The following ADAMTSL1 variants were observed in gnomAD, a reference collection of about 807,000 sequenced individuals.
ADAMTSL1 encodes ADAMTS-like protein 1.
In ADAMTSL1, 126 loss-of-function variants were observed where a neutral mutation model predicts 201.8. That is an observed-to-expected ratio of 0.62 (90% CI 0.54 to 0.72). The LOEUF is 0.72. Among genes scored for constraint, ADAMTSL1 ranks in the 30% least tolerant of loss-of-function variants. ADAMTSL1 has a pLI of 0.00. For missense variants in ADAMTSL1, 2,679 were observed against 2,277.8 expected, an observed-to-expected ratio of 1.18 and a Z score of -3.59; for synonymous variants, 1,121 against 903.4, an observed-to-expected ratio of 1.24 and a Z score of -4.32.
chr9:18,218,501 A>G (rs1480475389), intron 2 of ADAMTSL1, among the ~76,000 whole-genome samples: 1 of 152,200 alleles, frequency 6.6e-6, no homozygotes, highest in Non-Finnish European at 1.5e-5. Context: ...CAAAAAGTAA[A>G]CTGATAAAGT....
chr9:18,374,072 A>G (rs1434142804), intron 2 of ADAMTSL1, among the ~76,000 whole-genome samples: 1 of 152,166 alleles, frequency 6.6e-6, no homozygotes, highest in Non-Finnish European at 1.5e-5. Context: ...GCCTTACCCA[A>G]GGAGATTCTG....
At chr9:18,210,473 T>A (rs12235364) in intron 2 of ADAMTSL1, among the ~76,000 whole-genome samples, 1 of 146,824 alleles carries the variant, frequency 6.8e-6, no homozygotes. Flanking sequence ...TAATTATATA[T>A]GATATATAAA....
chr9:18,607,721 TC>T (rs1475069076), intron 4 of ADAMTSL1, among the ~76,000 whole-genome samples: 1 of 150,632 alleles, frequency 6.6e-6, no homozygotes, highest in African/African-American at 2.4e-5. Context: ...ATGCTATCCC[TC>T]CCCCCTACCC....
At chr9:18,486,786 G>A (rs571670981) in intron 1 of ADAMTSL1, among the ~76,000 whole-genome samples, 8 of 152,146 alleles carry the variant, frequency 5.3e-5, no homozygotes, top group Non-Finnish European at 1.0e-4. Context: ...CCCATAACAG[G>A]GAGTCATTTT....
intron 1 of ADAMTSL1, among the ~76,000 whole-genome samples, chr9:18,116,790 T>C (rs1265487959): frequency 6.6e-6 from 1 of 152,238 alleles, no homozygotes; most frequent in Non-Finnish European, 1.5e-5. Context: ...TATGTATACA[T>C]GTGCCATGTT....
intron 2 of ADAMTSL1, among the ~76,000 whole-genome samples, chr9:18,270,687 G>A (rs1832322361): frequency 6.6e-6 from 1 of 152,158 alleles, no homozygotes; most frequent in African/African-American, 2.4e-5. Context: ...CAGAGGTGTG[G>A]TAGGGGAAGC....
chr9:18,848,871 G>A (rs1056949643), intron 23 of ADAMTSL1, among the ~76,000 whole-genome samples: 1 of 152,202 alleles, frequency 6.6e-6, no homozygotes, highest in South Asian at 2.1e-4. Context: ...AAACAGGACT[G>A]GATTTTGCAC....
Position 18,795,387 on chromosome 9 carries a change from G to T in ADAMTSL1, c.3678-10G>T. 1 of 1,613,502 alleles carries T rather than the reference G, an allele frequency of 6.2e-7. No individual in the cohort carries two copies. Among genetic ancestry groups the T allele is most frequent in the Non-Finnish European group, 8.5e-7 (1 of 1,179,700 alleles). The stretch of plus-strand genomic sequence containing the variant: ...TTGACCAGGTCTATATTTCTTTTCT[G>T]TCGCTCCAGGATTCTTCTACAGCCA... On this transcript the variant is annotated splice_polypyrimidine_tract_variant and intron_variant, in intron 19 of 28. Transcript: ENST00000380548.
rs1188749387 is a variant in ADAMTSL1, at chr9:18,777,214, C to A, written c.2985C>A (p.His995Gln). The A allele has an allele frequency of 6.2e-7, 1 of 1,612,842 alleles. No individual in the cohort carries two copies. Among genetic ancestry groups the A allele is most frequent in the Admixed American group, 1.7e-5 (1 of 60,032 alleles). ...KGGPKEALQTHKHQNGIFSNG... is the reference protein window; with the variant it reads ...KGGPKEALQTQKHQNGIFSNG... ...GCCCGAAGGAGGCCCTGCAGACCCA[C>A]AAACACCAGAACGGGATCTTCTCCA... The change falls in exon 19 of 29, where the codon CAC (histidine) becomes CAA (glutamine). Residue 995 changes from histidine (H) to glutamine (Q), a missense_variant. His to Gln is a conservative substitution (Grantham distance 24, BLOSUM62 0). Coordinates refer to ENST00000380548, the MANE Select transcript of ADAMTSL1 (RefSeq NM_001040272.6).
chr9:18,664,406 G>A (rs534253361), intron 9 of ADAMTSL1, among the ~76,000 whole-genome samples: 1 of 152,066 alleles, frequency 6.6e-6, no homozygotes, highest in African/African-American at 2.4e-5. Flanking sequence ...AGATTTAATG[G>A]TCTAATAGTA....
intron 3 of ADAMTSL1, among the ~76,000 whole-genome samples, chr9:18,537,832 C>T (rs1027888421): frequency 6.8e-6 from 1 of 147,586 alleles, no homozygotes; most frequent in Non-Finnish European, 1.5e-5. Flanking sequence ...CTTGTTTACA[C>T]CACTGCACTC....
chr9:18,656,470 A>C (rs927624276), intron 7 of ADAMTSL1, among the ~76,000 whole-genome samples: 16 of 151,982 alleles, frequency 1.1e-4, no homozygotes, highest in South Asian at 4.2e-4. Context: ...TCTACTAAAA[A>C]TACAAAAAAT....
At chr9:18,133,754 G>A (rs1826044569) in intron 1 of ADAMTSL1, among the ~76,000 whole-genome samples, 1 of 152,046 alleles carries the variant, frequency 6.6e-6, no homozygotes, top group Non-Finnish European at 1.5e-5. Flanking sequence ...TTGTGTGTAT[G>A]TATATATTTA....
At chr9:18,289,392 GGCCCA>G (rs1184585032) in intron 2 of ADAMTSL1, among the ~76,000 whole-genome samples, 1 of 152,114 alleles carries the variant, frequency 6.6e-6, no homozygotes, top group Non-Finnish European at 1.5e-5. Flanking sequence ...GGCATCTTGT[GGCCCA>G]GTCAAGTTCA....
At chr9:18,626,244 A>C (rs992953143) in intron 5 of ADAMTSL1, among the ~76,000 whole-genome samples, 5 of 152,166 alleles carry the variant, frequency 3.3e-5, no homozygotes, top group African/African-American at 1.2e-4. Context: ...TCTTCCTAGG[A>C]GCCATGGAAA....
chr9:18,671,961 T>C (rs1178344882), intron 9 of ADAMTSL1, among the ~76,000 whole-genome samples: 1 of 151,994 alleles, frequency 6.6e-6, no homozygotes, highest in African/African-American at 2.4e-5. Flanking sequence ...GGCGTGAACC[T>C]GAGAGGAGGA....
intron 23 of ADAMTSL1, among the ~76,000 whole-genome samples, chr9:18,865,688 T>G (rs955946015): frequency 6.6e-6 from 1 of 152,204 alleles, no homozygotes; most frequent in Admixed American, 6.5e-5. Context: ...AGAACCACTT[T>G]AGGCCTAGGA....
At chr9:18,550,409 A>T (rs1587534364) in intron 3 of ADAMTSL1, among the ~76,000 whole-genome samples, 1 of 151,968 alleles carries the variant, frequency 6.6e-6, no homozygotes, top group Non-Finnish European at 1.5e-5. Flanking sequence ...GATTCTAAGC[A>T]CAAGAAGGCA....
chr9:18,605,498 T>C (rs1465317043), intron 4 of ADAMTSL1, among the ~76,000 whole-genome samples: 2 of 152,166 alleles, frequency 1.3e-5, no homozygotes, highest in Non-Finnish European at 2.9e-5. Context: ...AGTCTACACA[T>C]TTTAAGGCAA....
Sources: gnomAD v4.1 joint callset for allele counts (sites outside exome capture counted in the v4.1 genomes callset) on GRCh38, gnomAD v4.1.1 for gene constraint, MANE v1.5 for transcripts, NCBI Gene and HGNC (gene_info 2026-07-23, HGNC 2026-07-21) for gene names.